The following CORO2B variants were observed in gnomAD, a reference collection of about 807,000 sequenced individuals.
CORO2B encodes coronin 2B, also known as coronin-2B.
CORO2B carries 26 observed loss-of-function variants against 58.8 expected under a neutral mutation model. The ratio of observed to expected loss-of-function variants is 0.44; its 90% CI spans 0.32 to 0.61. The LOEUF (loss-of-function observed/expected upper bound fraction) is 0.61. CORO2B is among the 20% of genes least tolerant of loss of function. CORO2B has a pLI of 0.04. For missense variants in CORO2B, 460 were observed against 645.1 expected (o/e 0.71, Z 3.11); for synonymous variants, 242 against 253.8 (o/e 0.95, Z 0.44).
In CORO2B at chr15:68,710,674, T is replaced by A. The variant is rs1892892430; in HGVS notation, c.334-58T>A. 1 of 1,472,456 alleles carries A rather than the reference T, an allele frequency of 6.8e-7. No homozygotes were observed. The highest frequency in any genetic ancestry group is 2.2e-5 in the Admixed American group (1 of 44,676). The allele number at this position is 1,472,456 out of a possible 1,614,324, so 91.2% of individuals were successfully genotyped here. On this transcript the variant is annotated intron_variant, in intron 3 of 11. Transcript: ENST00000261861. This position sits in a 1 kb window ranked among gnomAD's most constrained non-coding sequence, Gnocchi z 4.1. ...TGGTGTCCGAGGAAAGGGGCACCTC[T>A]CATCAAGGGACTTCTTGGCCGTGTC...
At chr15:68,567,970 G>A in the CORO2B span, among the ~76,000 whole-genome samples, 1 of 152,174 alleles carries the variant, frequency 6.6e-6, no homozygotes, top group South Asian at 2.1e-4. Flanking sequence ...AGTGAGCTGA[G>A]ATCACTCCAC....
At chr15:68,591,527 A>G (rs1427898474) in intron 1 of CORO2B, among the ~76,000 whole-genome samples, 1 of 152,156 alleles carries the variant, frequency 6.6e-6, no homozygotes, top group Non-Finnish European at 1.5e-5. Context: ...CAAAGGAGTG[A>G]TGTGATCCCA....
At chr15:68,634,636 G>A (rs547758841) in intron 1 of CORO2B, among the ~76,000 whole-genome samples, 2 of 152,188 alleles carry the variant, frequency 1.3e-5, no homozygotes, top group Admixed American at 1.3e-4. Flanking sequence ...ACCTGGCAAC[G>A]TGTTAGGGAT....
At chr15:68,698,460 C>T (rs1199168520) in intron 3 of CORO2B, among the ~76,000 whole-genome samples, 2 of 152,144 alleles carry the variant, frequency 1.3e-5, no homozygotes, top group African/African-American at 2.4e-5. Context: ...CCTCATGCTC[C>T]AGGACCCCAG....
chr15:68,705,253 C>A (rs930254479), intron 3 of CORO2B, among the ~76,000 whole-genome samples: 1 of 152,114 alleles, frequency 6.6e-6, no homozygotes, highest in Non-Finnish European at 1.5e-5. Flanking sequence ...GCCTGGCCAA[C>A]ATGGCGAAAC....
rs183904225 is a variant in CORO2B at position 68,593,600 on chromosome 15, A to G, written c.15+14323A>G. On this transcript the variant is annotated intron_variant, in intron 1 of 11. Transcript: ENST00000261861. ...GTGTCACAAGAGCAATTCCTGGGCA[A>G]CAGTGTTAGAAAGCTACAAGGGAGC... 5.8e-4 allele frequency among the ~76,000 whole-genome samples: 89 copies of G among 152,258 alleles called. 2 individuals are homozygous for G. In the East Asian group the frequency reaches 0.016, roughly 27 times the overall value.
chr15:68,646,953 T>A (rs1464972891), intron 2 of CORO2B, among the ~76,000 whole-genome samples: 1 of 152,152 alleles, frequency 6.6e-6, no homozygotes, highest in Non-Finnish European at 1.5e-5. Context: ...CTCAGCTCCA[T>A]CCATCCAGGC....
upstream of CORO2B, among the ~76,000 whole-genome samples, chr15:68,576,908 C>T (rs553252951): frequency 1.4e-3 from 218 of 152,196 alleles, no homozygotes; most frequent in Non-Finnish European, 2.7e-3. Flanking sequence ...CTCAGAGGCT[C>T]ATGAAAATGA....
At chr15:68,554,450 C>A in the CORO2B span, among the ~76,000 whole-genome samples, 16 of 152,154 alleles carry the variant, frequency 1.1e-4, no homozygotes, top group Middle Eastern at 3.2e-3. Flanking sequence ...TCTAAGCTGA[C>A]CTTTACCTCC....
intron 1 of CORO2B, among the ~76,000 whole-genome samples, chr15:68,583,981 G>A (rs1899494045): frequency 6.6e-6 from 1 of 152,184 alleles, no homozygotes; most frequent in Non-Finnish European, 1.5e-5. Flanking sequence ...CATGCTGGGA[G>A]GTGTGCGGCT....
At chr15:68,725,551 G>A (rs1250785335) in intron 11 of CORO2B, among the ~76,000 whole-genome samples, 1 of 152,030 alleles carries the variant, frequency 6.6e-6, no homozygotes, top group African/African-American at 2.4e-5. Context: ...GGACAAGCTT[G>A]GGATATTTGG....
upstream of CORO2B, among the ~76,000 whole-genome samples, chr15:68,577,473 C>T (rs1899309682): frequency 6.6e-6 from 1 of 152,100 alleles, no homozygotes; most frequent in African/African-American, 2.4e-5. Context: ...TCTGTAATCC[C>T]AGCACTTTGG....
rs575833365 is a variant in CORO2B, at chr15:68,714,051, G to A, written c.765+10G>A. 1.4e-5 allele frequency: 22 copies of A among 1,579,504 alleles called. No homozygotes were observed. Among genetic ancestry groups the A allele is most frequent in the East Asian group, 8.9e-5 (4 of 44,698 alleles). ...TGCCCTCTGGGACCAGGTCAGCCAC[G>A]GGGAGGCCTGCTGGGTTTGGGCTAA... On this transcript the variant is annotated intron_variant, in intron 6 of 11. Transcript: ENST00000261861.
At chr15:68,575,727 T>C (rs1899272257), upstream of CORO2B, among the ~76,000 whole-genome samples, 1 of 152,124 alleles carries the variant, frequency 6.6e-6, no homozygotes, top group South Asian at 2.1e-4. Context: ...ACTCCTGTGA[T>C]CACCTTCCAA....
At chr15:68,689,640 G>A (rs36038837) in intron 2 of CORO2B, among the ~76,000 whole-genome samples, 39,803 of 152,034 alleles carry the variant, frequency 0.26, 5,538 homozygotes, top group African/African-American at 0.34. Flanking sequence ...TGACAGACAG[G>A]ACCAAGTTTG....
chr15:68,678,969 C>T (rs1902679546), intron 2 of CORO2B, among the ~76,000 whole-genome samples: 1 of 152,260 alleles, frequency 6.6e-6, no homozygotes, highest in Non-Finnish European at 1.5e-5. Context: ...AGCAGCCCAA[C>T]TTGGCTTGAC....
chr15:68,538,355 G>A, the CORO2B span, among the ~76,000 whole-genome samples: 8 of 152,228 alleles, frequency 5.3e-5, no homozygotes, highest in Admixed American at 2.6e-4. Flanking sequence ...GGCTTCATTC[G>A]GTAAAAATAC....
At chr15:68,648,347 CGAAA>C (rs1901522661) in intron 2 of CORO2B, among the ~76,000 whole-genome samples, 2 of 124,394 alleles carry the variant, frequency 1.6e-5, no homozygotes, top group South Asian at 2.6e-4. Flanking sequence ...AAAAAAAAAA[CGAAA>C]GAAAGAAACA....
At chr15:68,684,007 G>T (rs886709167) in intron 2 of CORO2B, among the ~76,000 whole-genome samples, 2 of 152,136 alleles carry the variant, frequency 1.3e-5, no homozygotes, top group African/African-American at 2.4e-5. Flanking sequence ...GAAGATTTTG[G>T]AGCTGGGGAG....
Sources: allele counts gnomAD v4.1 joint callset (sites outside exome capture counted in the v4.1 genomes callset), GRCh38; gene constraint gnomAD v4.1.1; non-coding constraint Gnocchi (gnomAD v3.1); transcripts MANE v1.5; gene names NCBI Gene and HGNC (gene_info 2026-07-23, HGNC 2026-07-21).